DPY19L1: variants seen among roughly 807,000 people sequenced by gnomAD.
DPY19L1 encodes the protein protein C-mannosyl-transferase DPY19L1.
DPY19L1 carries 35 observed loss-of-function variants against 96.9 expected under a neutral mutation model. The observed-to-expected ratio is 0.36, with a 90% CI of 0.28 to 0.48. The LOEUF is 0.48. Ranked by LOEUF, DPY19L1 falls within the 20% of genes least tolerant of loss-of-function variation. The pLI, the probability that DPY19L1 is intolerant of heterozygous loss-of-function variation, is 0.99. For synonymous variants in DPY19L1, 205 were observed against 252.6 expected (o/e 0.81, Z 1.79); for missense variants, 521 against 777.9 (o/e 0.67, Z 3.93).
At chr7:34,942,700 T>C (rs1784049036) in intron 16 of DPY19L1, 61 bp from the exon 17 acceptor site, 2 of 1,412,866 alleles carry the variant, frequency 1.4e-6, no homozygotes, top group Non-Finnish European at 2.0e-6. Flanking sequence ...GTCATATATT[T>C]GCATTTTCAT....
intron 5 of DPY19L1, 33 bp downstream of exon 5, chr7:35,011,297 G>A: frequency 6.2e-7 from 1 of 1,606,758 alleles, no homozygotes; most frequent in Non-Finnish European, 8.5e-7. Context: ...TGTTACAACA[G>A]ATAACTGGAC....
At chr7:34,947,843 G>A in intron 14 of DPY19L1, 142 bp from the exon 15 acceptor site, 5 of 665,358 alleles carry the variant, frequency 7.5e-6, no homozygotes, top group South Asian at 4.1e-5. Flanking sequence ...ATCATAAAAA[G>A]GAAGGTGCAT....
chr7:34,989,645 A>G (rs763918311), intron 7 of DPY19L1, among the ~76,000 whole-genome samples: 33 of 53,002 alleles, frequency 6.2e-4, no homozygotes, highest in Non-Finnish European at 1.2e-3. Flanking sequence ...CAACAACAAC[A>G]AAAAAAAAAA....
chr7:35,013,435 C>T (rs1182650080), intron 4 of DPY19L1, 133 bp downstream of exon 4: 25 of 646,430 alleles, frequency 3.9e-5, no homozygotes, highest in Admixed American at 1.7e-4. Flanking sequence ...TATTCCTCCA[C>T]AAGATACATA....
rs750514779 is a variant in DPY19L1 at position 34,938,111 on chromosome 7, G to C, written c.1973C>G (p.Thr658Arg). Reference sequence around the variant, plus strand: ...ACTATACATTGAGTATACTATTTTTGTTCTGGCTCTTTAAAGAAAAATAAT... The same window carrying C: ...ACTATACATTGAGTATACTATTTTTCTTCTGGCTCTTTAAAGAAAAATAAT... Reference protein sequence around the residue: ...HYEDAGLRARTKIVYSMYSRK... With the variant: ...HYEDAGLRARRKIVYSMYSRK... Residue 658 changes from threonine (T) to arginine (R), a missense_variant, in exon 21 of 22, where the codon ACA becomes AGA. Thr to Arg is a moderately conservative substitution (Grantham distance 71). Coordinates refer to ENST00000638088, the MANE Select transcript of DPY19L1 (RefSeq NM_001366673.1). The C allele has an allele frequency of 1.2e-6, 2 of 1,611,908 alleles. No homozygotes were observed. The highest frequency in any genetic ancestry group is 3.4e-5 in the Admixed American group (2 of 59,514).
chr7:34,975,777 A>C (rs532589528), intron 7 of DPY19L1, among the ~76,000 whole-genome samples: 2 of 152,216 alleles, frequency 1.3e-5, no homozygotes, highest in Admixed American at 1.3e-4. Context: ...AAATCCTAGG[A>C]CCCTTAAGAA....
At chr7:35,017,652 A>C (rs1785891341) in intron 3 of DPY19L1, among the ~76,000 whole-genome samples, 2 of 151,832 alleles carry the variant, frequency 1.3e-5, no homozygotes, top group Admixed American at 1.3e-4. Flanking sequence ...AGCCTGGGCG[A>C]CAGAGCGAGA....
At chr7:35,007,212 G>A (rs998661094) in intron 6 of DPY19L1, among the ~76,000 whole-genome samples, 2 of 152,142 alleles carry the variant, frequency 1.3e-5, no homozygotes, top group Admixed American at 6.5e-5. Flanking sequence ...ATATACATCA[G>A]GATCAATTTT....
intron 1 of DPY19L1, among the ~76,000 whole-genome samples, chr7:35,034,365 T>C (rs1786335298): frequency 6.6e-6 from 1 of 152,182 alleles, no homozygotes; most frequent in South Asian, 2.1e-4. Context: ...AGGTTTAATA[T>C]AAAATGTATT....
intron 1 of DPY19L1, among the ~76,000 whole-genome samples, chr7:35,020,348 C>T (rs976368025): frequency 5.3e-5 from 8 of 152,222 alleles, no homozygotes; most frequent in Non-Finnish European, 8.8e-5. Context: ...AGAATTTACA[C>T]GTTTACAATA....
Position 34,930,460 on chromosome 7 carries a change from T to TA in DPY19L1, c.*1112dup, listed in dbSNP as rs1212303532. The stretch of plus-strand genomic sequence containing the variant: ...AGAACCAAAATTATAACATAAGGCT[T>TA]AAGGCTTTGTCTTATTAAAGACAGG... On this transcript the variant is annotated 3_prime_UTR_variant, in exon 22 of 22. Transcript: ENST00000638088. 6.6e-6 allele frequency: 1 copy of TA among 152,212 alleles called. No homozygotes were observed. The highest frequency in any genetic ancestry group is 1.5e-5 in the Non-Finnish European group (1 of 68,032). 9.4% of individuals were successfully genotyped at this position (152,212 alleles called of 1,614,324 possible). A position where few individuals can be genotyped will look rare whatever the true frequency, so the allele number is the denominator to read the frequency against.
At chr7:34,957,944 A>G (rs770362702) in intron 11 of DPY19L1, 40 bp downstream of exon 11, 13 of 1,327,814 alleles carry the variant, frequency 9.8e-6, no homozygotes, top group Non-Finnish European at 1.4e-5. Context: ...TTAAACCATT[A>G]GTTTCAAAAA....
intron 6 of DPY19L1, among the ~76,000 whole-genome samples, chr7:34,998,930 A>G (rs1785359693): frequency 1.3e-5 from 2 of 152,254 alleles, no homozygotes; most frequent in African/African-American, 4.8e-5. Flanking sequence ...AATCTAACAG[A>G]AATGACAATA....
At chr7:35,024,121 C>A (rs951354572) in intron 1 of DPY19L1, among the ~76,000 whole-genome samples, 1 of 152,128 alleles carries the variant, frequency 6.6e-6, no homozygotes, top group African/African-American at 2.4e-5. Context: ...CAGGCATGAG[C>A]CACCGCACCC....
At chr7:34,992,543 CTTTT>C (rs34687334) in intron 6 of DPY19L1, among the ~76,000 whole-genome samples, 66 of 133,820 alleles carry the variant, frequency 4.9e-4, no homozygotes, top group African/African-American at 1.4e-3. Context: ...ACCTTCCTGC[CTTTT>C]TTTTTTTTTT....
chr7:35,019,142 A>G (rs1044950160), intron 1 of DPY19L1, among the ~76,000 whole-genome samples: 1 of 152,144 alleles, frequency 6.6e-6, no homozygotes, highest in African/African-American at 2.4e-5. Flanking sequence ...ATACCTTGCT[A>G]TCTGTCCAAG....
chr7:34,951,737 A>T (rs1784270853), intron 13 of DPY19L1, among the ~76,000 whole-genome samples: 1 of 151,942 alleles, frequency 6.6e-6, no homozygotes, highest in East Asian at 1.9e-4. Flanking sequence ...CTAAAAAAAG[A>T]TATAACTTTA....
chr7:34,953,769 T>C lies in DPY19L1; in HGVS notation c.1320+929A>G, dbSNP rs1205475147. ...ATAGTTTTATAGTTTTAAAAATCTT[T>C]CCACAGATTGTAGACCAACCATTTA... is the stretch of plus-strand genomic sequence containing the variant. On this transcript the variant is annotated intron_variant, in intron 13 of 21. Transcript: ENST00000638088. Among the ~76,000 whole-genome samples, 7 of 152,198 alleles carry C rather than the reference T, an allele frequency of 4.6e-5. No homozygotes were observed. The East Asian group carries it at 1.3e-3, about 29-fold the overall frequency.
intron 8 of DPY19L1, 67 bp downstream of exon 8, chr7:34,973,447 T>G: frequency 1.0e-6 from 1 of 957,440 alleles, no homozygotes; most frequent in Non-Finnish European, 1.4e-6. Flanking sequence ...CACTTTATTA[T>G]GGAAGCTTAA....
Sources: allele counts gnomAD v4.1 joint callset (sites outside exome capture counted in the v4.1 genomes callset), GRCh38; gene constraint gnomAD v4.1.1; transcripts MANE v1.5; gene names NCBI Gene and HGNC (gene_info 2026-07-23, HGNC 2026-07-21).